Variants in MTUS1 observed in about 807,000 individuals in gnomAD.
The protein encoded by MTUS1 is microtubule associated scaffold protein 1.
Under a neutral mutation model 120.8 loss-of-function variants are expected in MTUS1, and 109 were observed. The ratio of observed to expected loss-of-function variants is 0.90; its 90% confidence interval spans 0.77 to 1.06. The LOEUF (loss-of-function observed/expected upper bound fraction) is 1.06. Ranked by LOEUF, MTUS1 falls within the 50% of genes least tolerant of loss-of-function variation. The probability of loss-of-function intolerance (pLI) is 0.00; values close to 1 mark genes in which losing one functional copy is unlikely to be tolerated. For missense variants in MTUS1, 2,210 were observed against 1,486.3 expected (o/e 1.49, Z -8.01); for synonymous variants, 737 against 550.5 (o/e 1.34, Z -4.74).
At chr8:17,715,927 T>A (rs1300330778) in intron 4 of MTUS1, 26 bp from the exon 5 acceptor site, 1 of 1,600,780 alleles carries the variant, frequency 6.2e-7, no homozygotes, top group East Asian at 2.2e-5. Flanking sequence ...AAAGTACATT[T>A]TATTGTATAG....
chr8:17,697,221 C>T (rs745424584), intron 6 of MTUS1: 18 of 1,555,948 alleles, frequency 1.2e-5, no homozygotes, highest in Admixed American at 3.6e-5. Flanking sequence ...AGACATCCCC[C>T]GTGCAACACT....
intron 1 of MTUS1, among the ~76,000 whole-genome samples, chr8:17,769,802 G>A (rs2049878935): frequency 6.6e-6 from 1 of 150,994 alleles, no homozygotes; most frequent in Non-Finnish European, 1.5e-5. Flanking sequence ...AAATTAAAAT[G>A]CTCAGATCAT....
intron 1 of MTUS1, among the ~76,000 whole-genome samples, chr8:17,785,486 T>A (rs919137499): frequency 6.6e-6 from 1 of 152,152 alleles, no homozygotes; most frequent in African/African-American, 2.4e-5. Flanking sequence ...CAGCTTTAAT[T>A]TTGCCAAGAG....
chr8:17,720,552 C>T (rs560821298), intron 4 of MTUS1, among the ~76,000 whole-genome samples: 1 of 152,150 alleles, frequency 6.6e-6, no homozygotes, highest in Non-Finnish European at 1.5e-5. Flanking sequence ...ATTTCCCCTA[C>T]CATCTGGCTC....
At chr8:17,684,028 G>A (rs1017377359) in intron 7 of MTUS1, among the ~76,000 whole-genome samples, 1 of 152,148 alleles carries the variant, frequency 6.6e-6, no homozygotes, top group Non-Finnish European at 1.5e-5. Flanking sequence ...TGAAAAAAAT[G>A]CTAATGCTAG....
chr8:17,712,535 C>T (rs1821525890), intron 6 of MTUS1, among the ~76,000 whole-genome samples: 1 of 152,058 alleles, frequency 6.6e-6, no homozygotes, highest in East Asian at 1.9e-4. Context: ...GATGGGGTTT[C>T]ACCATGTTGG....
chr8:17,798,478 C>A (rs1211570982), intron 1 of MTUS1, among the ~76,000 whole-genome samples: 2 of 151,984 alleles, frequency 1.3e-5, no homozygotes. Flanking sequence ...GATTACAGAT[C>A]CATGCCAACA....
intron 1 of MTUS1, among the ~76,000 whole-genome samples, chr8:17,799,499 C>T (rs892845928): frequency 1.3e-5 from 2 of 152,126 alleles, no homozygotes; most frequent in East Asian, 3.9e-4. Context: ...TTTTCTCAAT[C>T]TACCTATTTT....
At chr8:17,670,581 T>C (rs558430084) in intron 8 of MTUS1, among the ~76,000 whole-genome samples, 3 of 152,226 alleles carry the variant, frequency 2.0e-5, no homozygotes, top group African/African-American at 7.2e-5. Flanking sequence ...CCCAGCACTT[T>C]GGGAGGCCGA....
intron 2 of MTUS1, among the ~76,000 whole-genome samples, chr8:17,750,694 A>G (rs1265191225): frequency 6.6e-6 from 1 of 152,208 alleles, no homozygotes; most frequent in African/African-American, 2.4e-5. Flanking sequence ...CCTGAGCGTT[A>G]CAGGGCCCAT....
intron 3 of MTUS1, among the ~76,000 whole-genome samples, chr8:17,726,620 T>C (rs1474621159): frequency 6.6e-6 from 1 of 152,252 alleles, no homozygotes; most frequent in African/African-American, 2.4e-5. Flanking sequence ...CTTATTTGAA[T>C]CTTCAGTCTA....
At chr8:17,646,412 ACTCTGT>A (rs1805800919) in intron 14 of MTUS1, among the ~76,000 whole-genome samples, 2 of 151,836 alleles carry the variant, frequency 1.3e-5, no homozygotes, top group South Asian at 4.2e-4. Flanking sequence ...ACATGGCGAA[ACTCTGT>A]CTCTATTAAA....
intron 1 of MTUS1, among the ~76,000 whole-genome samples, chr8:17,784,102 G>GTAAT (rs111544397): frequency 1.3e-5 from 2 of 151,648 alleles, no homozygotes; most frequent in African/African-American, 4.8e-5. Flanking sequence ...TCTTCATAAA[G>GTAAT]TAATCATAAG....
chr8:17,773,713 C>T (rs889711524), intron 1 of MTUS1, among the ~76,000 whole-genome samples: 2 of 152,166 alleles, frequency 1.3e-5, no homozygotes, highest in Non-Finnish European at 2.9e-5. Context: ...ATCTAATTAC[C>T]TCCCAAAGAC....
At chr8:17,775,468 C>T (rs1220914042) in intron 1 of MTUS1, among the ~76,000 whole-genome samples, 1 of 152,156 alleles carries the variant, frequency 6.6e-6, no homozygotes, top group African/African-American at 2.4e-5. Flanking sequence ...TACACGACAG[C>T]ATGCATCACG....
intron 5 of MTUS1, 116 bp downstream of exon 5, chr8:17,715,651 A>G (rs1328877116): frequency 5.5e-6 from 6 of 1,082,616 alleles, no homozygotes; most frequent in East Asian, 2.5e-5. Context: ...CTTTCTCAAC[A>G]TATTTGTAAT....
At chr8:17,666,648 T>G (rs1394150254) in intron 8 of MTUS1, among the ~76,000 whole-genome samples, 1 of 152,132 alleles carries the variant, frequency 6.6e-6, no homozygotes, top group African/African-American at 2.4e-5. Flanking sequence ...TCTTTGCAGG[T>G]AGCCAAAGCT....
At chr8:17,665,840 G>A (rs1810779704) in intron 8 of MTUS1, among the ~76,000 whole-genome samples, 1 of 152,142 alleles carries the variant, frequency 6.6e-6, no homozygotes, top group Non-Finnish European at 1.5e-5. Flanking sequence ...AGATAAGGCA[G>A]GTAAAAAAAT....
chr8:17,755,583 C>T lies in MTUS1; in HGVS notation c.225G>A (p.Gln75=). 1 of 1,614,112 alleles carries T rather than the reference C, an allele frequency of 6.2e-7. No individual in the cohort carries two copies. The highest frequency in any genetic ancestry group is 8.5e-7 in the Non-Finnish European group (1 of 1,180,028). Reference sequence around the variant, plus strand: ...TTTCATGACCAAATACTTCAACACCCTGAAGGCTTAAAGAAATATTTTCAC... The same window carrying T: ...TTTCATGACCAAATACTTCAACACCTTGAAGGCTTAAAGAAATATTTTCAC... ...VTGENISLSL[Q]GVEVFGHEKS... Residue 75 remains glutamine, a synonymous_variant, in exon 2 of 15, where the codon CAG becomes CAA. Coordinates refer to ENST00000693296, the MANE Select transcript of MTUS1 (RefSeq NM_001363059.2).
Sources: allele counts gnomAD v4.1 joint callset (sites outside exome capture counted in the v4.1 genomes callset), GRCh38; gene constraint gnomAD v4.1.1; transcripts MANE v1.5; gene names NCBI Gene and HGNC (gene_info 2026-07-23, HGNC 2026-07-21).